The following ATP9B variants were observed in gnomAD, a reference collection of about 807,000 sequenced individuals.
ATP9B encodes the protein probable phospholipid-transporting ATPase IIB.
In ATP9B, 110 loss-of-function variants were observed where a neutral mutation model predicts 146.1. The observed-to-expected ratio is 0.75, with a 90% CI of 0.65 to 0.88. The LOEUF is 0.88. ATP9B is among the 40% of genes least tolerant of loss of function. The probability of loss-of-function intolerance (pLI) is 0.00; values close to 1 mark genes in which losing one functional copy is unlikely to be tolerated. For missense variants in ATP9B, 1,499 were observed against 1,496.4 expected (o/e 1.00, Z -0.03); for synonymous variants, 604 against 569.7 (o/e 1.06, Z -0.86).
At chr18:79,267,555 T>G (rs1380210600) in intron 12 of ATP9B, among the ~76,000 whole-genome samples, 1 of 152,142 alleles carries the variant, frequency 6.6e-6, no homozygotes, top group Non-Finnish European at 1.5e-5. Flanking sequence ...TGTAGTATTT[T>G]TGTTATTGTT....
At chr18:79,252,417 G>A (rs1011299083) in intron 11 of ATP9B, among the ~76,000 whole-genome samples, 2 of 100,876 alleles carry the variant, frequency 2.0e-5, no homozygotes, top group Non-Finnish European at 2.0e-5. Flanking sequence ...TTCCTGCAGC[G>A]CCGAGTTCCC....
intron 1 of ATP9B, among the ~76,000 whole-genome samples, chr18:79,071,498 A>G (rs958187766): frequency 3.5e-5 from 5 of 143,654 alleles, no homozygotes; most frequent in African/African-American, 1.3e-4. Flanking sequence ...GGGCCCAGGC[A>G]ATCCACCCAT....
chr18:79,258,382 A>G lies in ATP9B; in HGVS notation c.1268+4841A>G, dbSNP rs189610475. On this transcript the variant is annotated intron_variant, in intron 12 of 29. Coordinates refer to ENST00000426216, the MANE Select transcript of ATP9B (RefSeq NM_198531.5). Reference sequence around the variant, plus strand: ...GAGGTTGAGGCTGCAGTGAGCCAAGATCACACCACTGCACTCCAGCCTGAG... The same window carrying G: ...GAGGTTGAGGCTGCAGTGAGCCAAGGTCACACCACTGCACTCCAGCCTGAG... 5.3e-3 allele frequency among the ~76,000 whole-genome samples: 805 copies of G among 152,286 alleles called. 8 individuals carry two copies. The highest frequency in any genetic ancestry group is 0.019 in the African/African-American group (773 of 41,564).
At chr18:79,126,197 C>A in intron 4 of ATP9B, 70 bp from the exon 5 acceptor site, 2 of 1,304,652 alleles carry the variant, frequency 1.5e-6, no homozygotes, top group South Asian at 1.4e-5. Flanking sequence ...AAAGTTAAAC[C>A]AAGTAACAAA....
rs574436820 is a variant in ATP9B, at chr18:79,239,826, G to A, written c.1108-13555G>A. On this transcript the variant is annotated intron_variant, in intron 11 of 29. Transcript: ENST00000426216. The surrounding 1 kb of genome is among the most constrained non-coding windows in gnomAD (Gnocchi z 5.1). ...GTTGATCATCAGTTAATTATTACAC[G>A]GAGGCGTTACTGAAGAGGCATCTGA... is the stretch of plus-strand genomic sequence containing the variant. Among the ~76,000 whole-genome samples, 6 of 152,260 alleles carry A rather than the reference G, an allele frequency of 3.9e-5. No homozygotes were observed. The highest frequency in any genetic ancestry group is 7.4e-5 in the Non-Finnish European group (5 of 68,024).
At position 79,359,463 on chromosome 18, in the gene ATP9B, G is replaced by A; in HGVS notation, c.3012+1G>A. 1 of 1,610,648 alleles carries A rather than the reference G, an allele frequency of 6.2e-7. No homozygotes were observed. The highest frequency in any genetic ancestry group is 8.5e-7 in the Non-Finnish European group (1 of 1,176,910). ...GGAGCTGTACAAGGACCTCACCAAG[G>A]TACGGGCCTCAGGCAAGCTGTCTGC... On this transcript the variant is annotated splice_donor_variant, in intron 26 of 29. Coordinates refer to ENST00000426216, the MANE Select transcript of ATP9B (RefSeq NM_198531.5). LOFTEE classifies it high-confidence loss of function.
rs1241448922 is a variant in ATP9B at position 79,253,240 on chromosome 18, T to A, written c.1108-141T>A. ...TTCATTTCTAGAAATTCTGCCTGAATTTTCATATTTCATTATAATAAAGGC... is the reference window on the plus strand; with the variant it reads ...TTCATTTCTAGAAATTCTGCCTGAAATTTCATATTTCATTATAATAAAGGC... On this transcript the variant is annotated intron_variant, in intron 11 of 29. Transcript: ENST00000426216. 1.6e-5 allele frequency: 12 copies of A among 755,960 alleles called. No individual in the cohort carries two copies. In the South Asian group the frequency reaches 3.0e-4, roughly 19 times the overall value. The allele number at this position is 755,960 out of a possible 1,614,324, so 46.8% of individuals were successfully genotyped here. A position where few individuals can be genotyped will look rare whatever the true frequency, so the allele number is the denominator to read the frequency against.
intron 1 of ATP9B, among the ~76,000 whole-genome samples, chr18:79,080,731 C>T (rs1200324039): frequency 6.6e-6 from 1 of 152,142 alleles, no homozygotes; most frequent in African/African-American, 2.4e-5. Context: ...AGCTTTTGCC[C>T]ACTCAGTATG....
rs1186816060 is a variant in ATP9B at position 79,342,170 on chromosome 18, G to C, written c.2284-98G>C. ...TCATTTATCTATTGACGGGCACCTG[G>C]GTTGCTTCCACCTTTTGGCTGTTGT... On this transcript the variant is annotated intron_variant, in intron 19 of 29. Transcript: ENST00000426216. The C allele has an allele frequency of 1.4e-5, 12 of 827,878 alleles. No homozygotes were observed. The East Asian group carries it at 3.0e-4, about 21-fold the overall frequency. 51.3% of individuals were successfully genotyped at this position (827,878 alleles called of 1,614,324 possible).
At chr18:79,118,068 T>G (rs1292486968) in intron 4 of ATP9B, 2 of 152,232 alleles carry the variant, frequency 1.3e-5, no homozygotes, top group Non-Finnish European at 2.9e-5. Flanking sequence ...AAGTGTTTCA[T>G]TGTATAAATA....
At chr18:79,327,622 GGTTAGTGTGCCCT>G (rs2096760247) in intron 15 of ATP9B, among the ~76,000 whole-genome samples, 1 of 140,386 alleles carries the variant, frequency 7.1e-6, no homozygotes, top group Non-Finnish European at 1.5e-5. Flanking sequence ...TGCCCTCCCT[GGTTAGTGTGCCCT>G]CCCTGGTTAG....
At chr18:79,206,786 C>T in intron 9 of ATP9B, 151 bp from the exon 10 acceptor site, 1 of 608,790 alleles carries the variant, frequency 1.6e-6, no homozygotes. Flanking sequence ...TTTTTATAGT[C>T]CCTTTTTTCT....
intron 15 of ATP9B, among the ~76,000 whole-genome samples, chr18:79,308,867 CCCA>C: frequency 8.0e-6 from 1 of 124,578 alleles, no homozygotes; most frequent in African/African-American, 3.5e-5. Flanking sequence ...AGGAGTGATC[CCCA>C]GCAGGTAGAA....
intron 1 of ATP9B, among the ~76,000 whole-genome samples, chr18:79,089,387 C>G (rs961423562): frequency 6.6e-6 from 1 of 152,178 alleles, no homozygotes; most frequent in Non-Finnish European, 1.5e-5. Flanking sequence ...GTCCCTTGTT[C>G]CTGCCCATCT....
chr18:79,223,206 C>G (rs2095697529), intron 11 of ATP9B, among the ~76,000 whole-genome samples: 1 of 152,122 alleles, frequency 6.6e-6, no homozygotes, highest in African/African-American at 2.4e-5. Flanking sequence ...TAGAGTCCAG[C>G]TGTGGTGTAC....
chr18:79,322,279 A>G (rs552089654), intron 15 of ATP9B, among the ~76,000 whole-genome samples: 1 of 152,344 alleles, frequency 6.6e-6, no homozygotes, highest in East Asian at 1.9e-4. Flanking sequence ...ACAGGCATGG[A>G]ATTCCAGAGT....
intron 9 of ATP9B, among the ~76,000 whole-genome samples, chr18:79,198,247 G>A (rs1359769329): frequency 6.6e-6 from 1 of 152,182 alleles, no homozygotes; most frequent in Non-Finnish European, 1.5e-5. Flanking sequence ...GTGTCAAGTT[G>A]TATAAAAAAG....
intron 8 of ATP9B, among the ~76,000 whole-genome samples, chr18:79,184,555 C>A (rs2095286493): frequency 6.6e-6 from 1 of 151,974 alleles, no homozygotes; most frequent in African/African-American, 2.4e-5. Flanking sequence ...TACTTGACAT[C>A]TAGCTTATTG....
intron 23 of ATP9B, among the ~76,000 whole-genome samples, chr18:79,346,306 G>A (rs2096887097): frequency 6.8e-6 from 1 of 147,036 alleles, no homozygotes; most frequent in South Asian, 2.2e-4. Context: ...CACACACTTG[G>A]CACACTCGTT....
Sources: allele counts gnomAD v4.1 joint callset (sites outside exome capture counted in the v4.1 genomes callset), GRCh38; gene constraint gnomAD v4.1.1; non-coding constraint Gnocchi (gnomAD v3.1); transcripts MANE v1.5; gene names NCBI Gene and HGNC (gene_info 2026-07-23, HGNC 2026-07-21).